The following RNGTT variants were observed in gnomAD, a reference collection of about 807,000 sequenced individuals.
RNGTT encodes mRNA-capping enzyme.
In RNGTT, 33 loss-of-function variants were observed where a neutral mutation model predicts 79.3. That is an observed-to-expected ratio of 0.42 (90% CI 0.32 to 0.56). The LOEUF (loss-of-function observed/expected upper bound fraction) is 0.56. RNGTT is among the 20% of genes least tolerant of loss of function. The probability of loss-of-function intolerance (pLI) is 0.17; values close to 1 mark genes in which losing one functional copy is unlikely to be tolerated. For missense variants in RNGTT, 497 were observed against 739.1 expected (o/e 0.67, Z 3.80); for synonymous variants, 222 against 235.9 (o/e 0.94, Z 0.54).
intron 12 of RNGTT, among the ~76,000 whole-genome samples, chr6:88,779,352 T>C (rs1778987385): frequency 6.6e-6 from 1 of 152,242 alleles, no homozygotes; most frequent in Admixed American, 6.5e-5. Flanking sequence ...TAGAAACCAA[T>C]ATCAATCTAA....
intron 11 of RNGTT, among the ~76,000 whole-genome samples, chr6:88,809,010 C>T (rs1054558397): frequency 6.6e-6 from 1 of 150,436 alleles, no homozygotes; most frequent in Non-Finnish European, 1.5e-5. Flanking sequence ...CCACTTTGTA[C>T]ATAAAGAGTC....
chr6:88,905,289 T>G (rs1783615689), intron 5 of RNGTT, among the ~76,000 whole-genome samples: 1 of 152,140 alleles, frequency 6.6e-6, no homozygotes, highest in Non-Finnish European at 1.5e-5. Flanking sequence ...AACAACAATG[T>G]GAGCAAAGTA....
At chr6:88,717,538 A>T (rs9362545) in intron 13 of RNGTT, among the ~76,000 whole-genome samples, 18,033 of 152,276 alleles carry the variant, frequency 0.12, 1,189 homozygotes, top group Middle Eastern at 0.23. Context: ...TTTCAGAAGA[A>T]GGAGAGAAGG....
At chr6:88,888,983 G>A (rs529680797) in intron 8 of RNGTT, among the ~76,000 whole-genome samples, 27 of 152,278 alleles carry the variant, frequency 1.8e-4, no homozygotes, top group South Asian at 1.0e-3. Flanking sequence ...AGCCGAGATC[G>A]TGCCATTGCA....
chr6:88,815,564 G>T (rs920156093), intron 11 of RNGTT, among the ~76,000 whole-genome samples: 2 of 152,138 alleles, frequency 1.3e-5, no homozygotes, highest in Admixed American at 6.5e-5. Context: ...TGGCCTAAAC[G>T]TATTCCAATA....
chr6:88,684,237 G>A, intron 13 of RNGTT, among the ~76,000 whole-genome samples: 1 of 152,126 alleles, frequency 6.6e-6, no homozygotes, highest in East Asian at 1.9e-4. Context: ...CACCACCAAT[G>A]CCGGCAAGGA....
At chr6:88,940,982 AAAT>A in intron 2 of RNGTT, 86 bp downstream of exon 2, 1 of 663,486 alleles carries the variant, frequency 1.5e-6, no homozygotes, top group East Asian at 2.8e-5. Context: ...AATTATTTTA[AAAT>A]AATAAGATTT....
At chr6:88,618,198 C>A (rs1386610356) in intron 14 of RNGTT, among the ~76,000 whole-genome samples, 1 of 152,182 alleles carries the variant, frequency 6.6e-6, no homozygotes, top group African/African-American at 2.4e-5. Context: ...CACGTACCTG[C>A]CACTACTAAC....
intron 10 of RNGTT, among the ~76,000 whole-genome samples, chr6:88,846,456 A>G (rs1781485378): frequency 6.6e-6 from 1 of 152,148 alleles, no homozygotes; most frequent in East Asian, 1.9e-4. Flanking sequence ...TCCGTCAAGT[A>G]TACTAGCAGG....
At chr6:88,918,700 TTGTAAGA>T (rs771369109) in intron 4 of RNGTT, among the ~76,000 whole-genome samples, 25 of 152,214 alleles carry the variant, frequency 1.6e-4, no homozygotes, top group Admixed American at 1.3e-3. Context: ...CTCCATTGCT[TTGTAAGA>T]AAAAGTGCTT....
At chr6:88,935,011 C>T (rs78253206) in intron 2 of RNGTT, among the ~76,000 whole-genome samples, 3,345 of 152,252 alleles carry the variant, frequency 0.022, 121 homozygotes, top group African/African-American at 0.076. Context: ...ACCAATGTCC[C>T]ACGGTGTTTT....
intron 13 of RNGTT, among the ~76,000 whole-genome samples, chr6:88,707,857 C>T (rs569524855): frequency 5.9e-5 from 9 of 151,876 alleles, no homozygotes; most frequent in Non-Finnish European, 1.0e-4. Context: ...CACACGATCT[C>T]TAAAGTACAA....
chr6:88,945,874 T>A (rs1253650290), intron 1 of RNGTT, among the ~76,000 whole-genome samples: 1 of 152,100 alleles, frequency 6.6e-6, no homozygotes, highest in East Asian at 1.9e-4. Context: ...ACTTTAGAAG[T>A]CACATGTTTA....
At chr6:88,747,456 T>C (rs1777698855) in intron 13 of RNGTT, among the ~76,000 whole-genome samples, 1 of 152,186 alleles carries the variant, frequency 6.6e-6, no homozygotes, top group Non-Finnish European at 1.5e-5. Flanking sequence ...GAGTTTATTA[T>C]AAGAGTTAGG....
rs543234623 is a variant in RNGTT at position 88,945,555 on chromosome 6, G to A, written c.65-4375C>T. On this transcript the variant is annotated intron_variant, in intron 1 of 15. Transcript: ENST00000369485. ...GTTCCCTCTTTTTTCTTTAACCAAC[G>A]TCTAAATGTCAGGTTTCTATGGGTT... is the stretch of plus-strand genomic sequence containing the variant. 8.5e-5 allele frequency among the ~76,000 whole-genome samples: 13 copies of A among 152,104 alleles called. No individual in the cohort carries two copies. The South Asian group carries it at 1.9e-3, about 22-fold the overall frequency.
chr6:88,737,774 T>C (rs1297025955), intron 13 of RNGTT, among the ~76,000 whole-genome samples: 1 of 152,182 alleles, frequency 6.6e-6, no homozygotes, highest in Non-Finnish European at 1.5e-5. Context: ...TCTCTAGAAC[T>C]ATAAGAAAAT....
At chr6:88,671,535 A>C (rs1774638493) in intron 14 of RNGTT, among the ~76,000 whole-genome samples, 1 of 152,210 alleles carries the variant, frequency 6.6e-6, no homozygotes, top group African/African-American at 2.4e-5. Context: ...TGCCAAAAGC[A>C]ATCTATAAAT....
At chr6:88,621,539 A>G (rs1772443361) in intron 14 of RNGTT, among the ~76,000 whole-genome samples, 1 of 151,824 alleles carries the variant, frequency 6.6e-6, no homozygotes, top group Admixed American at 6.6e-5. Flanking sequence ...AGGTTTTAAG[A>G]CTTAAATATC....
intron 1 of RNGTT, among the ~76,000 whole-genome samples, chr6:88,949,258 CTTTTT>C (rs1237749319): frequency 6.6e-5 from 7 of 106,280 alleles, no homozygotes; most frequent in African/African-American, 1.9e-4. Context: ...AATAATCAGT[CTTTTT>C]TTTTTTTTTT....
Sources: gnomAD v4.1 joint callset for allele counts (sites outside exome capture counted in the v4.1 genomes callset) on GRCh38, gnomAD v4.1.1 for gene constraint, MANE v1.5 for transcripts, NCBI Gene and HGNC (gene_info 2026-07-23, HGNC 2026-07-21) for gene names.